The following ENAH variants were observed in gnomAD, a reference collection of about 807,000 sequenced individuals.
The protein encoded by ENAH is ENAH actin regulator.
ENAH carries 23 observed loss-of-function variants against 78.7 expected under a neutral mutation model. The ratio of observed to expected loss-of-function variants is 0.29; its 90% CI spans 0.21 to 0.41. The LOEUF is 0.41. ENAH is among the 10% of genes least tolerant of loss of function. The pLI, the probability that ENAH is intolerant of heterozygous loss-of-function variation, is 1.00. For missense variants in ENAH, 544 were observed against 691.0 expected, an observed-to-expected ratio of 0.79 and a Z score of 2.39; for synonymous variants, 226 against 241.0, an observed-to-expected ratio of 0.94 and a Z score of 0.58.
intron 11 of ENAH, among the ~76,000 whole-genome samples, chr1:225,502,389 C>G (rs1214060816): frequency 6.6e-6 from 1 of 151,984 alleles, no homozygotes; most frequent in African/African-American, 2.4e-5. Context: ...TTTTTGTATT[C>G]TGAGTAGAGA....
Position 225,529,512 on chromosome 1 carries a change from T to C in ENAH, c.434+1042A>G, listed in dbSNP as rs376372277. Among the ~76,000 whole-genome samples the C allele has an allele frequency of 9.9e-5, 15 of 152,244 alleles. No homozygotes were observed. In the East Asian group the frequency reaches 2.9e-3, roughly 29 times the overall value. On this transcript the variant is annotated intron_variant, in intron 4 of 13. Coordinates refer to ENST00000366843, the MANE Select transcript of ENAH (RefSeq NM_018212.6). ...TCTGCCCCTTCACAACATATAATCC[T>C]CCTTACTCTGTTGCATTTTTCCCCA...
At chr1:225,517,080 G>T in intron 6 of ENAH, 116 bp downstream of exon 6, 1 of 723,360 alleles carries the variant, frequency 1.4e-6, no homozygotes, top group Non-Finnish European at 2.1e-6. Context: ...ATGGCATTAT[G>T]GCATATAAAT....
upstream of ENAH, chr1:225,653,250 C>G (rs1167897860): frequency 1.4e-5 from 2 of 143,136 alleles, no homozygotes; most frequent in Non-Finnish European, 3.1e-5. This position sits in a 1 kb window ranked among gnomAD's most constrained non-coding sequence, Gnocchi z 4.3. Flanking sequence ...AAAGGGGAGG[C>G]GGGGGGCCGG....
At chr1:225,510,972 G>A (rs567043877) in intron 10 of ENAH, among the ~76,000 whole-genome samples, 1 of 151,986 alleles carries the variant, frequency 6.6e-6, no homozygotes, top group African/African-American at 2.4e-5. Context: ...GGTGAGCCAA[G>A]ACTGCACCAC....
chr1:225,640,299 T>C (rs930247893), intron 1 of ENAH, among the ~76,000 whole-genome samples: 1 of 152,210 alleles, frequency 6.6e-6, no homozygotes, highest in Non-Finnish European at 1.5e-5. Context: ...CATGAATGTT[T>C]TCATAGTTTT....
At chr1:225,502,189 G>A (rs900474621) in intron 11 of ENAH, among the ~76,000 whole-genome samples, 2 of 152,124 alleles carry the variant, frequency 1.3e-5, no homozygotes, top group Non-Finnish European at 2.9e-5. Context: ...ATTAAACACT[G>A]AGTTAATCTG....
chr1:225,593,627 T>G (rs2096888969), intron 1 of ENAH, among the ~76,000 whole-genome samples: 1 of 152,160 alleles, frequency 6.6e-6, no homozygotes, highest in African/African-American at 2.4e-5. Flanking sequence ...TATGATGTTT[T>G]GTTCACACAC....
chr1:225,513,066 T>C, intron 7 of ENAH, 50 bp from the exon 8 acceptor site: 1 of 1,452,482 alleles, frequency 6.9e-7, no homozygotes, highest in East Asian at 2.4e-5. Flanking sequence ...GACAACCATA[T>C]TTTTATTAAT....
chr1:225,609,660 T>C (rs1192981803), intron 1 of ENAH, among the ~76,000 whole-genome samples: 1 of 112,616 alleles, frequency 8.9e-6, no homozygotes, highest in Non-Finnish European at 1.9e-5. Context: ...AAATGGATTT[T>C]TTTTTTTTTT....
intron 1 of ENAH, among the ~76,000 whole-genome samples, chr1:225,577,231 T>TAACC (rs1042433646): frequency 1.3e-5 from 2 of 152,280 alleles, no homozygotes; most frequent in African/African-American, 4.8e-5. Flanking sequence ...TTCAACTAAC[T>TAACC]AACCACTATC....
chr1:225,535,497 T>C, intron 3 of ENAH: 1 of 1,301,856 alleles, frequency 7.7e-7, no homozygotes, highest in South Asian at 1.2e-5. Flanking sequence ...GTAAACATAA[T>C]GTTGCTTACC....
At position 225,555,033 on chromosome 1, in the gene ENAH, TGTA is replaced by T. The variant is rs759686483; in HGVS notation, c.219_221del (p.Thr74del). On this transcript the variant is annotated inframe_deletion, in exon 3 of 14. Transcript: ENST00000366843. ...CATCTCGCCACTGGTGGAAGGTCTG[TGTA>T]GCTTGATTGTACTTCAACCCTTTAG... The T allele has an allele frequency of 6.3e-7, 1 of 1,599,488 alleles. No individual in the cohort carries two copies. The highest frequency in any genetic ancestry group is 8.6e-7 in the Non-Finnish European group (1 of 1,168,234).
At chr1:225,534,911 T>G (rs528791902) in intron 3 of ENAH, among the ~76,000 whole-genome samples, 2 of 152,222 alleles carry the variant, frequency 1.3e-5, no homozygotes, top group South Asian at 4.1e-4. Flanking sequence ...ACAATACATA[T>G]ATGTGCACAC....
At chr1:225,648,159 CTT>C (rs1662316932) in intron 1 of ENAH, among the ~76,000 whole-genome samples, 1 of 152,290 alleles carries the variant, frequency 6.6e-6, no homozygotes, top group East Asian at 1.9e-4. Context: ...TATTCTCTAA[CTT>C]TTACTTCCAC....
At chr1:225,631,890 T>A (rs988046254) in intron 1 of ENAH, among the ~76,000 whole-genome samples, 16 of 152,222 alleles carry the variant, frequency 1.1e-4, no homozygotes. Context: ...TCCCTTCAGT[T>A]TATTTTCTAA....
At chr1:225,539,160 C>A (rs2096576994) in intron 3 of ENAH, among the ~76,000 whole-genome samples, 1 of 152,124 alleles carries the variant, frequency 6.6e-6, no homozygotes, top group Non-Finnish European at 1.5e-5. Flanking sequence ...TTTTCTTTTA[C>A]TCCTATTTAA....
intron 1 of ENAH, among the ~76,000 whole-genome samples, chr1:225,578,128 T>C (rs1234232674): frequency 1.3e-5 from 2 of 152,080 alleles, no homozygotes; most frequent in Non-Finnish European, 2.9e-5. Flanking sequence ...ACAGAGAAAC[T>C]TGTAAAACTT....
At chr1:225,557,743 C>T (rs946214077) in intron 2 of ENAH, among the ~76,000 whole-genome samples, 10 of 152,146 alleles carry the variant, frequency 6.6e-5, no homozygotes, top group African/African-American at 1.7e-4. Flanking sequence ...ATCACTTGAA[C>T]CCAGGAAGCA....
At chr1:225,546,340 A>G (rs551809396) in intron 3 of ENAH, among the ~76,000 whole-genome samples, 1 of 152,332 alleles carries the variant, frequency 6.6e-6, no homozygotes, top group Admixed American at 6.5e-5. Context: ...ATTAATCAAC[A>G]CAAATATTAG....
Sources: gnomAD v4.1 joint callset for allele counts (sites outside exome capture counted in the v4.1 genomes callset) on GRCh38, gnomAD v4.1.1 for gene constraint, Gnocchi (gnomAD v3.1) non-coding constraint, MANE v1.5 for transcripts, NCBI Gene and HGNC (gene_info 2026-07-23, HGNC 2026-07-21) for gene names.